SLC33A1: variants seen among roughly 807,000 people sequenced by gnomAD.
SLC33A1 encodes acetyl-coenzyme A transporter 1.
A neutral mutation model predicts 50.0 loss-of-function variants in SLC33A1; 20 were observed. The ratio of observed to expected loss-of-function variants is 0.40; its 90% CI spans 0.28 to 0.58. The LOEUF (loss-of-function observed/expected upper bound fraction) is 0.58, where lower values mean the gene tolerates loss of function less well. Among genes scored for constraint, SLC33A1 ranks in the 20% least tolerant of loss-of-function variants. The pLI is 0.44. For synonymous variants in SLC33A1, 265 were observed against 251.8 expected, an observed-to-expected ratio of 1.05 and a Z score of -0.50; for missense variants, 476 against 657.0, an observed-to-expected ratio of 0.72 and a Z score of 3.01.
At chr3:155,844,444 TATATATATATATA>T (rs1373100603) in intron 1 of SLC33A1, among the ~76,000 whole-genome samples, 14 of 9,466 alleles carry the variant, frequency 1.5e-3, no homozygotes, top group African/African-American at 2.6e-3. Context: ...TATATATATA[TATATATATATATA>T]TTTTTTTTTT....
chr3:155,846,509 A>G lies in SLC33A1; in HGVS notation c.776-3890T>C, dbSNP rs184370099. Among the ~76,000 whole-genome samples the G allele has an allele frequency of 5.4e-5, 8 of 149,106 alleles. No homozygotes were observed. In the East Asian group the frequency reaches 1.6e-3, roughly 29 times the overall value. Reference sequence around the variant, plus strand: ...GCTCTTTTTGCCCAGGCTGGAGTGCAATGGCACAATCTCAGCTCACCGCAA... The same window carrying G: ...GCTCTTTTTGCCCAGGCTGGAGTGCGATGGCACAATCTCAGCTCACCGCAA... On this transcript the variant is annotated intron_variant, in intron 1 of 5. Coordinates refer to ENST00000643144, the MANE Select transcript of SLC33A1 (RefSeq NM_004733.4).
chr3:155,828,927 G>T (rs1752298679), intron 5 of SLC33A1, among the ~76,000 whole-genome samples: 1 of 148,666 alleles, frequency 6.7e-6, no homozygotes. Flanking sequence ...TTAAGAGACG[G>T]AGTCTTGTTC....
intron 1 of SLC33A1, among the ~76,000 whole-genome samples, chr3:155,851,947 A>G (rs2108012868): frequency 6.6e-6 from 1 of 152,280 alleles, no homozygotes; most frequent in East Asian, 1.9e-4. Flanking sequence ...ACCTCCTACC[A>G]CCACCACATA....
At chr3:155,839,389 A>AAAT (rs1299444136) in intron 2 of SLC33A1, among the ~76,000 whole-genome samples, 1 of 148,150 alleles carries the variant, frequency 6.7e-6, no homozygotes, top group African/African-American at 2.4e-5. Context: ...AAAAAAAAAA[A>AAAT]AAAAAAAAAG....
chr3:155,832,515 G>A (rs1442080383), intron 4 of SLC33A1, among the ~76,000 whole-genome samples: 1 of 151,438 alleles, frequency 6.6e-6, no homozygotes, highest in African/African-American at 2.4e-5. Context: ...TAAAGAATAA[G>A]TCAAAACTTT....
rs778378621 is a variant in SLC33A1 at position 155,829,856 on chromosome 3, C to T, written c.1314G>A (p.Lys438=). 1.2e-6 allele frequency: 2 copies of T among 1,613,834 alleles called. No homozygotes were observed. Among genetic ancestry groups the T allele is most frequent in the South Asian group, 1.1e-5 (1 of 91,078 alleles). ...MYVSIMAFNA[K]VSDPLIGGTY... Reference sequence around the variant, plus strand: ...TTCCTCCAATAAGTGGATCACTAACCTTTGCATTGAAAGCCATTATAGAAA... The same window carrying T: ...TTCCTCCAATAAGTGGATCACTAACTTTTGCATTGAAAGCCATTATAGAAA... The change falls in exon 5 of 6, where the codon AAG becomes AAA. Residue 438 remains lysine (K), a synonymous_variant. Transcript: ENST00000643144.
Position 155,842,456 on chromosome 3 carries a change from A to C in SLC33A1, c.939T>G (p.Phe313Leu), listed in dbSNP as rs1203122643. ...AIIKMPAVLT[F>L]CLLILTAKIG... is the part of the protein sequence containing the mutation. ...CCTTTGCAGTTAGAATCAGAAGGCAAAATGTCAGAACTGCTGGCATTTTTA... is the reference window on the plus strand; with the variant it reads ...CCTTTGCAGTTAGAATCAGAAGGCACAATGTCAGAACTGCTGGCATTTTTA... Residue 313 changes from phenylalanine (F) to leucine (L), a missense_variant, in exon 2 of 6, where the codon TTT (phenylalanine) becomes TTG (leucine). By Grantham distance (22) the Phe-to-Leu change is conservative. Transcript: ENST00000643144. 2 of 1,611,802 alleles carry C rather than the reference A, an allele frequency of 1.2e-6. No individual in the cohort carries two copies. Among genetic ancestry groups the C allele is most frequent in the Non-Finnish European group, 1.7e-6 (2 of 1,178,430 alleles).
At position 155,842,582 on chromosome 3, in the gene SLC33A1, T is replaced by C. The variant is rs1201903329; in HGVS notation, c.813A>G (p.Thr271=). 2 of 1,589,372 alleles carry C rather than the reference T, an allele frequency of 1.3e-6. No individual in the cohort carries two copies. Among genetic ancestry groups the C allele is most frequent in the Non-Finnish European group, 1.7e-6 (2 of 1,167,170 alleles). Residue 271 remains threonine, a synonymous_variant, in exon 2 of 6, where the codon ACA becomes ACG. Transcript: ENST00000643144. ...LFFWGTVFLI[T]TTLVALLKKE... is the part of the protein sequence containing the mutation. Reference sequence around the variant, plus strand: ...TTTTCAGAAGGGCAACCAATGTTGTTGTTATTAAAAATACAGTTCCCCAGA... The same window carrying C: ...TTTTCAGAAGGGCAACCAATGTTGTCGTTATTAAAAATACAGTTCCCCAGA...
intron 1 of SLC33A1, 23 bp from the exon 2 acceptor site, chr3:155,842,642 A>G: frequency 8.2e-7 from 1 of 1,224,620 alleles, no homozygotes; most frequent in Non-Finnish European, 1.1e-6. Flanking sequence ...TAAATCTATA[A>G]TTAATTTTTA....
chr3:155,839,300 CAAAAAAA>C (rs550171374), intron 2 of SLC33A1, among the ~76,000 whole-genome samples: 1 of 25,702 alleles, frequency 3.9e-5, no homozygotes, highest in Non-Finnish European at 1.6e-4. Flanking sequence ...AACTCCGCCT[CAAAAAAA>C]AAAAAAAAAA....
chr3:155,842,680 T>C (rs1752979958), intron 1 of SLC33A1, 61 bp from the exon 2 acceptor site: 2 of 861,674 alleles, frequency 2.3e-6, no homozygotes, highest in East Asian at 5.5e-5. Flanking sequence ...TGATACTAAA[T>C]AATTCTATAT....
At chr3:155,848,180 A>T (rs994092689) in intron 1 of SLC33A1, among the ~76,000 whole-genome samples, 1 of 152,208 alleles carries the variant, frequency 6.6e-6, no homozygotes, top group Non-Finnish European at 1.5e-5. Flanking sequence ...GCTGCAGTGC[A>T]GTGGTTATTC....
chr3:155,837,605 A>G (rs1351675504), intron 2 of SLC33A1, among the ~76,000 whole-genome samples: 2 of 152,228 alleles, frequency 1.3e-5, no homozygotes, highest in Non-Finnish European at 2.9e-5. Flanking sequence ...AACACTACAC[A>G]TAATAGCTCT....
At chr3:155,844,414 C>A (rs1446501141) in intron 1 of SLC33A1, among the ~76,000 whole-genome samples, 8 of 123,590 alleles carry the variant, frequency 6.5e-5, no homozygotes, top group Non-Finnish European at 1.3e-4. Flanking sequence ...TTTTACACTG[C>A]CTACATAAAG....
intron 1 of SLC33A1, among the ~76,000 whole-genome samples, chr3:155,850,048 G>A (rs1361325178): frequency 2.0e-5 from 3 of 150,396 alleles, no homozygotes; most frequent in East Asian, 2.0e-4. Flanking sequence ...TTTCTCTGTC[G>A]CCCAGGCTGG....
rs11303771 is a variant in SLC33A1, at chr3:155,832,723, CAAAAAAAAAAA to C, written c.1266+734_1266+744del. ...TGGGCAAGCAAGCCAGACTCTGTCT[CAAAAAAAAAAA>C]AAAAAAAAAAAAAAGCAGAAGCTAA... On this transcript the variant is annotated intron_variant, in intron 4 of 5. Coordinates refer to ENST00000643144, the MANE Select transcript of SLC33A1 (RefSeq NM_004733.4). 7.8e-4 allele frequency among the ~76,000 whole-genome samples: 22 copies of C among 28,136 alleles called. 1 individual carries two copies. Among genetic ancestry groups the C allele is most frequent in the East Asian group, 1.3e-3 (1 of 788 alleles). The allele number at this position is 28,136 out of a possible 152,430, so 18.5% of individuals were successfully genotyped here.
In SLC33A1 at chr3:155,825,765, G is replaced by C. The variant is rs1560009174; in HGVS notation, c.*2445C>G. 6.6e-6 allele frequency: 1 copy of C among 152,108 alleles called. No individual in the cohort carries two copies. Among genetic ancestry groups the C allele is most frequent in the Non-Finnish European group, 1.5e-5 (1 of 68,030 alleles). The allele number at this position is 152,108 out of a possible 1,614,324, so 9.4% of individuals were successfully genotyped here. A position where few individuals can be genotyped will look rare whatever the true frequency, so the allele number is the denominator to read the frequency against. On this transcript the variant is annotated 3_prime_UTR_variant, in exon 6 of 6. Coordinates refer to ENST00000643144, the MANE Select transcript of SLC33A1 (RefSeq NM_004733.4). ...CTGGAGGAGTTAAAAGTCCATACTT[G>C]AAGGTACTGTTTAATTTATCAGGAT...
At chr3:155,836,024 C>T (rs1435427844) in intron 2 of SLC33A1, among the ~76,000 whole-genome samples, 1 of 151,504 alleles carries the variant, frequency 6.6e-6, no homozygotes, top group East Asian at 1.9e-4. Flanking sequence ...GTGGCTCATG[C>T]CTGTAATTCC....
At position 155,826,573 on chromosome 3, in the gene SLC33A1, C is replaced by T. The variant is rs1752205350; in HGVS notation, c.*1637G>A. The T allele has an allele frequency of 6.6e-6, 1 of 151,928 alleles. No homozygotes were observed. Among genetic ancestry groups the T allele is most frequent in the Non-Finnish European group, 1.5e-5 (1 of 67,996 alleles). 9.4% of individuals were successfully genotyped at this position (151,928 alleles called of 1,614,324 possible). On this transcript the variant is annotated 3_prime_UTR_variant, in exon 6 of 6. Transcript: ENST00000643144. ...TCAAGTAATCATTTAGACTCTAATACATGATAATGGACAACCATGTGACAA... is the reference window on the plus strand; with the variant it reads ...TCAAGTAATCATTTAGACTCTAATATATGATAATGGACAACCATGTGACAA...
Sources: allele counts gnomAD v4.1 joint callset (sites outside exome capture counted in the v4.1 genomes callset), GRCh38; gene constraint gnomAD v4.1.1; transcripts MANE v1.5; gene names NCBI Gene and HGNC (gene_info 2026-07-23, HGNC 2026-07-21).